The following TMEM178B variants were observed in gnomAD, a reference collection of about 807,000 sequenced individuals.
TMEM178B encodes transmembrane protein 178B.
In TMEM178B, 5 loss-of-function variants were observed where a neutral mutation model predicts 31.0. The ratio of observed to expected loss-of-function variants is 0.16; its 90% CI spans 0.08 to 0.34. TMEM178B has a LOEUF of 0.34. Among genes scored for constraint, TMEM178B ranks in the 10% least tolerant of loss-of-function variants. The pLI is 1.00. For missense variants in TMEM178B, 275 were observed against 400.3 expected, an observed-to-expected ratio of 0.69 and a Z score of 2.67; for synonymous variants, 164 against 164.0, an observed-to-expected ratio of 1.00 and a Z score of 0.00.
chr7:141,401,400 T>C (rs991952943), intron 2 of TMEM178B, among the ~76,000 whole-genome samples: 2 of 152,094 alleles, frequency 1.3e-5, no homozygotes, highest in East Asian at 3.8e-4. Flanking sequence ...ACAGGGGTTA[T>C]CTTTTCTTTT....
intron 2 of TMEM178B, among the ~76,000 whole-genome samples, chr7:141,223,770 G>A (rs1178171045): frequency 6.6e-6 from 1 of 152,038 alleles, no homozygotes; most frequent in African/African-American, 2.4e-5. Context: ...ACAATTCAAC[G>A]TTCCAATCAG....
intron 2 of TMEM178B, among the ~76,000 whole-genome samples, chr7:141,253,428 GTTTATC>G (rs1015438174): frequency 2.0e-5 from 3 of 151,494 alleles, no homozygotes; most frequent in Non-Finnish European, 4.4e-5. Flanking sequence ...TCTGTAGCAG[GTTTATC>G]TTTGTTTACA....
At chr7:141,168,668 G>A (rs922302883) in intron 1 of TMEM178B, among the ~76,000 whole-genome samples, 1 of 152,046 alleles carries the variant, frequency 6.6e-6, no homozygotes, top group Non-Finnish European at 1.5e-5. Flanking sequence ...TACTTGGGAG[G>A]CTGAGGCAGG....
At chr7:141,381,273 T>C (rs1330433193) in intron 2 of TMEM178B, among the ~76,000 whole-genome samples, 1 of 152,246 alleles carries the variant, frequency 6.6e-6, no homozygotes. Flanking sequence ...TCACATCTCT[T>C]AAATTCTTGT....
chr7:141,290,151 G>A (rs1050658444), intron 2 of TMEM178B, among the ~76,000 whole-genome samples: 1 of 152,172 alleles, frequency 6.6e-6, no homozygotes, highest in Non-Finnish European at 1.5e-5. Context: ...TGGTCTCCTT[G>A]TAGCTCCTGA....
chr7:141,506,606 T>C, the TMEM178B span, among the ~76,000 whole-genome samples: 10 of 152,272 alleles, frequency 6.6e-5, no homozygotes, highest in East Asian at 1.9e-3. Context: ...TTCTGGGAGA[T>C]ACAATTCAAG....
At chr7:141,280,279 T>C (rs1798334656) in intron 2 of TMEM178B, among the ~76,000 whole-genome samples, 1 of 152,122 alleles carries the variant, frequency 6.6e-6, no homozygotes, top group Non-Finnish European at 1.5e-5. Context: ...AGCAGGCCTG[T>C]GTCTCTGGGC....
At chr7:141,377,669 T>C (rs756411026) in intron 2 of TMEM178B, among the ~76,000 whole-genome samples, 27 of 151,608 alleles carry the variant, frequency 1.8e-4, no homozygotes, top group Non-Finnish European at 3.2e-4. Context: ...TGAAACTCCA[T>C]CTTAAAAAAA....
intron 2 of TMEM178B, among the ~76,000 whole-genome samples, chr7:141,225,120 T>C (rs1369707329): frequency 6.6e-6 from 1 of 152,172 alleles, no homozygotes; most frequent in African/African-American, 2.4e-5. Context: ...GATCTAATAC[T>C]TCCCCCAGAG....
chr7:141,423,830 A>G (rs1488816075), intron 2 of TMEM178B, among the ~76,000 whole-genome samples: 2 of 141,148 alleles, frequency 1.4e-5, no homozygotes, highest in African/African-American at 5.3e-5. Flanking sequence ...TTTTTTTGAA[A>G]TGGAGTCTTG....
intron 2 of TMEM178B, among the ~76,000 whole-genome samples, chr7:141,359,163 A>G (rs141941318): frequency 3.3e-5 from 5 of 152,358 alleles, no homozygotes; most frequent in African/African-American, 1.2e-4. Context: ...CTAAAAAAGA[A>G]AAAAGGGAAA....
intron 2 of TMEM178B, among the ~76,000 whole-genome samples, chr7:141,370,193 A>G (rs1468262722): frequency 6.6e-6 from 1 of 152,150 alleles, no homozygotes. Context: ...GGAACGTTGC[A>G]GAGAGATTAT....
chr7:141,371,749 T>C (rs1800121084), intron 2 of TMEM178B, among the ~76,000 whole-genome samples: 1 of 152,172 alleles, frequency 6.6e-6, no homozygotes, highest in African/African-American at 2.4e-5. Context: ...AGGGCCAGGA[T>C]ACCAAGTGGC....
At chr7:141,409,494 C>A (rs1026592820) in intron 2 of TMEM178B, among the ~76,000 whole-genome samples, 1 of 152,136 alleles carries the variant, frequency 6.6e-6, no homozygotes, top group Non-Finnish European at 1.5e-5. Context: ...GTGAGGATTA[C>A]GTGGGATAGT....
rs376128044 is a variant in TMEM178B at position 141,204,250 on chromosome 7, G to A, written c.383-8341G>A. 4.5e-4 allele frequency among the ~76,000 whole-genome samples: 68 copies of A among 152,298 alleles called. 1 individual carries two copies. The highest frequency in any genetic ancestry group is 1.6e-3 in the African/African-American group (68 of 41,570). On this transcript the variant is annotated intron_variant, in intron 1 of 3. Coordinates refer to ENST00000565468, the MANE Select transcript of TMEM178B (RefSeq NM_001195278.2). ...GGTTGAGCCAGTGACTACTGTGAGC[G>A]TCAGGTTCAATTCCAGGGGGACCCT...
In TMEM178B at chr7:141,408,694, C is replaced by T. The variant is rs919161790; in HGVS notation, c.497-28914C>T. 2.6e-5 allele frequency among the ~76,000 whole-genome samples: 4 copies of T among 152,048 alleles called. No homozygotes were observed. In the East Asian group the frequency reaches 5.8e-4, roughly 22 times the overall value. On this transcript the variant is annotated intron_variant, in intron 2 of 3. Transcript: ENST00000565468. ...TGTGTAAAGAACACCTTTACAACAC[C>T]GTGTGGAAAGAACTAGAATAGAGAT...
chr7:141,337,173 C>G (rs62642071), intron 2 of TMEM178B, among the ~76,000 whole-genome samples: 2 of 40,094 alleles, frequency 5.0e-5, no homozygotes, highest in Non-Finnish European at 5.4e-5. Flanking sequence ...ACCACCACCA[C>G]CACCACCACC....
intron 1 of TMEM178B, among the ~76,000 whole-genome samples, chr7:141,188,016 C>T (rs1259120250): frequency 1.3e-5 from 2 of 152,024 alleles, no homozygotes; most frequent in Non-Finnish European, 2.9e-5. Context: ...AAGTCCTTGC[C>T]CATGCCTATG....
At chr7:141,367,467 GT>G (rs1471019734) in intron 2 of TMEM178B, among the ~76,000 whole-genome samples, 1 of 151,942 alleles carries the variant, frequency 6.6e-6, no homozygotes, top group East Asian at 1.9e-4. Flanking sequence ...TAGAGATGGG[GT>G]TTCGCCCTGT....
Sources: gnomAD v4.1 joint callset for allele counts (sites outside exome capture counted in the v4.1 genomes callset) on GRCh38, gnomAD v4.1.1 for gene constraint, MANE v1.5 for transcripts, NCBI Gene and HGNC (gene_info 2026-07-23, HGNC 2026-07-21) for gene names.